Variants in DPYD observed in about 807,000 individuals in gnomAD.
DPYD encodes dihydropyrimidine dehydrogenase [NADP(+)].
A neutral mutation model predicts 116.2 loss-of-function variants in DPYD; 109 were observed. That is an observed-to-expected ratio of 0.94 (90% CI 0.80 to 1.10). The LOEUF is 1.10. Ranked by LOEUF, DPYD falls within the 50% of genes least tolerant of loss-of-function variation. DPYD has a pLI of 0.00. For missense variants in DPYD, 1,302 were observed against 1,254.5 expected (o/e 1.04, Z -0.57); for synonymous variants, 440 against 432.0 (o/e 1.02, Z -0.23).
chr1:97,288,277 C>T (rs1039435793), intron 18 of DPYD, among the ~76,000 whole-genome samples: 11 of 121,392 alleles, frequency 9.1e-5, no homozygotes, highest in African/African-American at 2.7e-4. Context: ...GACAGATCAA[C>T]GAGACAGAAA....
chr1:97,527,851 A>G (rs936211712), intron 12 of DPYD, among the ~76,000 whole-genome samples: 7 of 150,560 alleles, frequency 4.6e-5, no homozygotes, highest in Non-Finnish European at 7.4e-5. Context: ...TACTAGTGGT[A>G]GTGTTTGTTA....
chr1:97,323,355 T>C lies in DPYD; in HGVS notation c.2059-17058A>G, dbSNP rs1160448502. ...GTACACGTATATATACATGTGTATA[T>C]GTACACGTATGTATACATGTGTATA... On this transcript the variant is annotated intron_variant, in intron 16 of 22. Transcript: ENST00000370192. 4.6e-5 allele frequency among the ~76,000 whole-genome samples: 6 copies of C among 129,470 alleles called. 1 individual carries two copies. Among genetic ancestry groups the C allele is most frequent in the African/African-American group, 8.9e-5 (3 of 33,620 alleles). The allele number at this position is 129,470 out of a possible 152,430, so 84.9% of individuals were successfully genotyped here.
chr1:97,409,129 T>C (rs1673835534), intron 14 of DPYD, among the ~76,000 whole-genome samples: 1 of 152,130 alleles, frequency 6.6e-6, no homozygotes, highest in African/African-American at 2.4e-5. Context: ...ATTAGTTCTG[T>C]CCTCTAGAGA....
At chr1:97,694,657 A>G (rs1239239650) in intron 6 of DPYD, among the ~76,000 whole-genome samples, 2 of 152,246 alleles carry the variant, frequency 1.3e-5, no homozygotes, top group African/African-American at 4.8e-5. Flanking sequence ...AAACTCCATC[A>G]TCACACACTA....
chr1:97,918,024 T>C (rs544721814), intron 1 of DPYD, among the ~76,000 whole-genome samples: 4 of 152,116 alleles, frequency 2.6e-5, no homozygotes, highest in Non-Finnish European at 5.9e-5. Flanking sequence ...TTTGAAACCA[T>C]CCCAGGAGAG....
chr1:97,507,085 TGAAGTGAACACTTG>T (rs1409955329), intron 13 of DPYD, among the ~76,000 whole-genome samples: 1 of 152,050 alleles, frequency 6.6e-6, no homozygotes, highest in East Asian at 1.9e-4. Flanking sequence ...TAAATAGTCT[TGAAGTGAACACTTG>T]GATGAAATGT....
intron 14 of DPYD, among the ~76,000 whole-genome samples, chr1:97,396,071 T>C (rs936012448): frequency 3.4e-5 from 5 of 145,266 alleles, no homozygotes; most frequent in African/African-American, 7.5e-5. Context: ...TTTTGTTATA[T>C]AGGAAAAGCT....
At chr1:97,594,913 CT>C (rs1397160848) in intron 9 of DPYD, 145 bp downstream of exon 9, 22,903 of 473,836 alleles carry the variant, frequency 0.048, no homozygotes, top group South Asian at 0.084. Context: ...TATACCCGGC[CT>C]TTTTTTTTTT....
intron 18 of DPYD, among the ~76,000 whole-genome samples, chr1:97,275,187 A>C (rs1664857379): frequency 6.6e-6 from 1 of 152,206 alleles, no homozygotes; most frequent in Non-Finnish European, 1.5e-5. Flanking sequence ...AAGCTGGGAC[A>C]AAATCATCCA....
At chr1:97,656,966 ATT>A (rs71590230) in intron 8 of DPYD, among the ~76,000 whole-genome samples, 1,668 of 116,476 alleles carry the variant, frequency 0.014, 25 homozygotes, top group African/African-American at 0.049. Flanking sequence ...GCATGATTGT[ATT>A]TTTTTTTTTT....
At position 97,899,100 on chromosome 1, in the gene DPYD, T is replaced by A. The variant is rs569812505; in HGVS notation, c.40-15726A>T. Among the ~76,000 whole-genome samples the A allele has an allele frequency of 6.0e-5, 9 of 150,962 alleles. No homozygotes were observed. The East Asian group carries it at 1.9e-3, about 31-fold the overall frequency. ...TCTGTCAGACAAGAGTGTTTTGTTTTGTTTTTTTTTTTAATGCCAAAGGCC... is the reference window on the plus strand; with the variant it reads ...TCTGTCAGACAAGAGTGTTTTGTTTAGTTTTTTTTTTTAATGCCAAAGGCC... On this transcript the variant is annotated intron_variant, in intron 1 of 22. Transcript: ENST00000370192.
rs1465031841 is a variant in DPYD, at chr1:97,546,821, T to G, written c.1524+2739A>C. 4.3e-6 allele frequency: 7 copies of G among 1,612,582 alleles called. No homozygotes were observed. In the Admixed American group the frequency reaches 1.2e-4, roughly 27 times the overall value. ...TTGGATCAGATTAAACCATTGAAGT[T>G]GGAAGTTCATGAGGCCAAGCCTGTG... On this transcript the variant is annotated intron_variant, in intron 12 of 22. Transcript: ENST00000370192.
intron 4 of DPYD, among the ~76,000 whole-genome samples, chr1:97,726,234 G>C (rs1303560354): frequency 6.6e-6 from 1 of 151,498 alleles, no homozygotes; most frequent in African/African-American, 2.4e-5. Flanking sequence ...ATACAGAAGT[G>C]AGCCAATGGT....
intron 20 of DPYD, among the ~76,000 whole-genome samples, chr1:97,121,421 A>T (rs916818608): frequency 4.6e-5 from 7 of 152,184 alleles, no homozygotes; most frequent in Non-Finnish European, 1.0e-4. Flanking sequence ...TTATTTTATT[A>T]TCTATCCCCA....
chr1:97,109,246 A>G (rs113511296), intron 20 of DPYD, among the ~76,000 whole-genome samples: 22 of 152,146 alleles, frequency 1.4e-4, no homozygotes, highest in African/African-American at 4.6e-4. Flanking sequence ...TTTATGCACA[A>G]TATAATAAAT....
intron 20 of DPYD, among the ~76,000 whole-genome samples, chr1:97,158,519 A>ACACACACT: frequency 7.0e-6 from 1 of 142,428 alleles, no homozygotes; most frequent in Non-Finnish European, 1.5e-5. Flanking sequence ...ACACACACAC[A>ACACACACT]CACACTCTAT....
intron 10 of DPYD, among the ~76,000 whole-genome samples, chr1:97,582,531 T>C (rs564998383): frequency 1.4e-4 from 22 of 152,170 alleles, no homozygotes; most frequent in Non-Finnish European, 2.9e-4. Flanking sequence ...ATTTAGTAAT[T>C]TTTGACTTAT....
At chr1:97,731,666 C>T (rs1451169290) in intron 4 of DPYD, among the ~76,000 whole-genome samples, 1 of 151,916 alleles carries the variant, frequency 6.6e-6, no homozygotes, top group East Asian at 1.9e-4. Flanking sequence ...ATTAGCTTTG[C>T]TGGGTTTCAA....
chr1:97,762,672 T>A (rs1665640674), intron 3 of DPYD, among the ~76,000 whole-genome samples: 1 of 152,148 alleles, frequency 6.6e-6, no homozygotes, highest in South Asian at 2.1e-4. Context: ...TTCTTTCCAA[T>A]CTACTTAGCA....
Sources: allele counts gnomAD v4.1 joint callset (sites outside exome capture counted in the v4.1 genomes callset), GRCh38; gene constraint gnomAD v4.1.1; transcripts MANE v1.5; gene names NCBI Gene and HGNC (gene_info 2026-07-23, HGNC 2026-07-21).